Variants in SMAP1 observed in about 807,000 individuals in gnomAD.
The protein encoded by SMAP1 is stromal membrane-associated protein 1.
SMAP1 carries 24 observed loss-of-function variants against 58.5 expected under a neutral mutation model. The ratio of observed to expected loss-of-function variants is 0.41; its 90% CI spans 0.30 to 0.58. The LOEUF (loss-of-function observed/expected upper bound fraction) is 0.58, where lower values mean the gene tolerates loss of function less well. Among genes scored for constraint, SMAP1 ranks in the 20% least tolerant of loss-of-function variants. The probability of loss-of-function intolerance (pLI) is 0.29; values close to 1 mark genes in which losing one functional copy is unlikely to be tolerated. For synonymous variants in SMAP1, 216 were observed against 196.6 expected, an observed-to-expected ratio of 1.10 and a Z score of -0.82; for missense variants, 563 against 566.3, an observed-to-expected ratio of 0.99 and a Z score of 0.06.
chr6:70,743,292 A>G (rs1285752858), intron 2 of SMAP1, among the ~76,000 whole-genome samples: 3 of 152,232 alleles, frequency 2.0e-5, no homozygotes, highest in Middle Eastern at 3.4e-3. Context: ...GTTTGTGGGG[A>G]TAATCAGTTA....
At chr6:70,820,659 T>A (rs1769846516) in intron 6 of SMAP1, among the ~76,000 whole-genome samples, 1 of 150,960 alleles carries the variant, frequency 6.6e-6, no homozygotes, top group Non-Finnish European at 1.5e-5. Context: ...TGAACCGAGA[T>A]CGTGCCACTG....
chr6:70,710,268 G>A (rs112284148), intron 1 of SMAP1, among the ~76,000 whole-genome samples: 86 of 152,056 alleles, frequency 5.7e-4, no homozygotes, highest in African/African-American at 1.9e-3. Context: ...TGAGGTGGGC[G>A]GATCATGAGG....
chr6:70,792,189 G>T (rs1768392392), intron 5 of SMAP1, among the ~76,000 whole-genome samples: 1 of 152,064 alleles, frequency 6.6e-6, no homozygotes, highest in Admixed American at 6.5e-5. Flanking sequence ...ATGGGATAAT[G>T]AGTTCAGAAT....
At chr6:70,817,482 T>G (rs1769690554) in intron 6 of SMAP1, among the ~76,000 whole-genome samples, 1 of 152,204 alleles carries the variant, frequency 6.6e-6, no homozygotes, top group South Asian at 2.1e-4. Flanking sequence ...TCCATTGCTT[T>G]CAGAAAACTG....
At chr6:70,807,251 T>C (rs1769174322) in intron 6 of SMAP1, among the ~76,000 whole-genome samples, 2 of 152,226 alleles carry the variant, frequency 1.3e-5, no homozygotes, top group Non-Finnish European at 2.9e-5. Flanking sequence ...TACATTTTTG[T>C]AGTGTTCCAG....
At chr6:70,848,088 G>A (rs1025574714) in intron 7 of SMAP1, among the ~76,000 whole-genome samples, 1 of 152,068 alleles carries the variant, frequency 6.6e-6, no homozygotes, top group Non-Finnish European at 1.5e-5. Context: ...TGATTTTGTG[G>A]CCTCTGAGCT....
chr6:70,824,227 G>A (rs1394389846), intron 6 of SMAP1, among the ~76,000 whole-genome samples: 1 of 152,126 alleles, frequency 6.6e-6, no homozygotes, highest in Non-Finnish European at 1.5e-5. Flanking sequence ...TGACTTGCAA[G>A]CTCCCTGCTT....
At chr6:70,708,338 A>G (rs1427983658) in intron 1 of SMAP1, among the ~76,000 whole-genome samples, 1 of 152,110 alleles carries the variant, frequency 6.6e-6, no homozygotes, top group East Asian at 1.9e-4. Flanking sequence ...CATTGTATGT[A>G]TACACCATAA....
chr6:70,723,044 A>G (rs1324549857), intron 1 of SMAP1, among the ~76,000 whole-genome samples: 3 of 152,192 alleles, frequency 2.0e-5, no homozygotes, highest in Non-Finnish European at 4.4e-5. Flanking sequence ...GCTTAAAAAC[A>G]TTTCTGAGTA....
chr6:70,745,740 A>G (rs1334458488), intron 2 of SMAP1, among the ~76,000 whole-genome samples: 5 of 152,200 alleles, frequency 3.3e-5, no homozygotes, highest in Non-Finnish European at 5.9e-5. Context: ...TGGGGATGGC[A>G]CTGAATCTAT....
chr6:70,758,140 A>G (rs1766584742), intron 3 of SMAP1, among the ~76,000 whole-genome samples: 1 of 150,474 alleles, frequency 6.6e-6, no homozygotes, highest in Non-Finnish European at 1.5e-5. Context: ...ACAATGATAG[A>G]CTGGATTAAG....
intron 6 of SMAP1, among the ~76,000 whole-genome samples, chr6:70,824,708 C>A (rs1770039598): frequency 6.6e-6 from 1 of 152,120 alleles, no homozygotes; most frequent in Non-Finnish European, 1.5e-5. Flanking sequence ...TGGAAACATG[C>A]AGAAACTAAC....
intron 2 of SMAP1, among the ~76,000 whole-genome samples, chr6:70,750,064 G>T (rs928346227): frequency 6.6e-6 from 1 of 152,002 alleles, no homozygotes; most frequent in African/African-American, 2.4e-5. Context: ...TTTAATTATT[G>T]TTTCCTGATC....
At chr6:70,813,684 A>T (rs1005133931) in intron 6 of SMAP1, among the ~76,000 whole-genome samples, 2 of 152,112 alleles carry the variant, frequency 1.3e-5, no homozygotes, top group Non-Finnish European at 2.9e-5. Flanking sequence ...AGATGTGTTA[A>T]TATATGCTTC....
intron 8 of SMAP1, among the ~76,000 whole-genome samples, chr6:70,855,774 A>G (rs572949056): frequency 4.5e-4 from 68 of 152,288 alleles, no homozygotes; most frequent in African/African-American, 1.4e-3. Context: ...TCTTAGCTCT[A>G]TGATCTGCTG....
intron 1 of SMAP1, among the ~76,000 whole-genome samples, chr6:70,706,509 G>C (rs1272517849): frequency 6.6e-6 from 1 of 152,086 alleles, no homozygotes; most frequent in African/African-American, 2.4e-5. Flanking sequence ...GGATGATCTG[G>C]TAAACCATCA....
intron 1 of SMAP1, among the ~76,000 whole-genome samples, chr6:70,718,948 G>A (rs1303768108): frequency 6.6e-6 from 1 of 151,210 alleles, no homozygotes; most frequent in African/African-American, 2.4e-5. Context: ...TAATTAATGT[G>A]TATTTTTAAT....
At chr6:70,831,942 T>G (rs1253995370) in intron 6 of SMAP1, among the ~76,000 whole-genome samples, 1 of 152,148 alleles carries the variant, frequency 6.6e-6, no homozygotes, top group African/African-American at 2.4e-5. Context: ...TTTTTTAAAT[T>G]TTTTTAATGA....
At chr6:70,687,130 T>C (rs1228025797) in intron 1 of SMAP1, among the ~76,000 whole-genome samples, 2 of 152,232 alleles carry the variant, frequency 1.3e-5, no homozygotes, top group African/African-American at 4.8e-5. Context: ...TAATAGCCAC[T>C]GTGGCTAGGA....
Sources: gnomAD v4.1 joint callset for allele counts (sites outside exome capture counted in the v4.1 genomes callset) on GRCh38, gnomAD v4.1.1 for gene constraint, MANE v1.5 for transcripts, NCBI Gene and HGNC (gene_info 2026-07-23, HGNC 2026-07-21) for gene names.